Variants in ZNF410 observed in about 807,000 individuals in gnomAD.
ZNF410 encodes the protein another partner for ARF 1.
A neutral mutation model predicts 54.8 loss-of-function variants in ZNF410; 18 were observed. That is an observed-to-expected ratio of 0.33 (90% CI 0.23 to 0.49). ZNF410 has a LOEUF of 0.49. ZNF410 is among the 20% of genes least tolerant of loss of function. The pLI is 0.99. For missense variants in ZNF410, 405 were observed against 569.6 expected (o/e 0.71, Z 2.94); for synonymous variants, 191 against 207.3 (o/e 0.92, Z 0.68).
chr14:73,919,886 G>GTTTTTTTTTTTTT (rs1158550117), intron 8 of ZNF410, among the ~76,000 whole-genome samples: 8 of 62,026 alleles, frequency 1.3e-4, no homozygotes, highest in African/African-American at 3.1e-4. Context: ...TATTGTATAG[G>GTTTTTTTTTTTTT]TTTTTTTTTT....
intron 6 of ZNF410, among the ~76,000 whole-genome samples, chr14:73,904,407 A>G (rs1459302622): frequency 6.6e-6 from 1 of 152,190 alleles, no homozygotes; most frequent in African/African-American, 2.4e-5. Context: ...ATGGGCTCCT[A>G]CCTTGAACCT....
intron 5 of ZNF410, among the ~76,000 whole-genome samples, chr14:73,901,260 C>A (rs1034534820): frequency 6.6e-6 from 1 of 152,174 alleles, no homozygotes; most frequent in Admixed American, 6.5e-5. Context: ...TATGGCAAAG[C>A]TGAGTAGTTG....
At chr14:73,905,146 C>T (rs1473566088) in intron 7 of ZNF410, 63 bp downstream of exon 7, 6 of 1,529,978 alleles carry the variant, frequency 3.9e-6, no homozygotes, top group Non-Finnish European at 5.3e-6. Context: ...TTTGCCTCTC[C>T]TTAGGAAAGA....
intron 3 of ZNF410, chr14:73,894,252 C>T (rs1460311285): frequency 1.6e-5 from 11 of 686,756 alleles, no homozygotes; most frequent in Admixed American, 8.5e-5. Flanking sequence ...GTTGGATGAA[C>T]ATCAGCAGAG....
intron 5 of ZNF410, chr14:73,902,246 T>C (rs2055419978): frequency 6.6e-6 from 1 of 151,806 alleles, no homozygotes. Context: ...TTTTTTTTTT[T>C]GTATTTTTAG....
chr14:73,912,231 G>A lies in ZNF410; in HGVS notation c.1003+2801G>A, dbSNP rs1458868635. 3.4e-5 allele frequency among the ~76,000 whole-genome samples: 5 copies of A among 148,640 alleles called. No homozygotes were observed. The Admixed American group carries it at 3.4e-4, about 10-fold the overall frequency. On this transcript the variant is annotated intron_variant, in intron 8 of 11. Coordinates refer to ENST00000555044, the MANE Select transcript of ZNF410 (RefSeq NM_021188.3). Reference sequence around the variant, plus strand: ...GTTGTCCAGGCGAGAGTGCAGTGGCGTGATCTTGGCTCACTGCAGCCTCCG... The same window carrying A: ...GTTGTCCAGGCGAGAGTGCAGTGGCATGATCTTGGCTCACTGCAGCCTCCG...
At chr14:73,888,821 A>G (rs908036567) in intron 1 of ZNF410, among the ~76,000 whole-genome samples, 2 of 152,192 alleles carry the variant, frequency 1.3e-5, no homozygotes, top group South Asian at 2.1e-4. Flanking sequence ...CTCTAGTACA[A>G]ATTCTTTTGA....
intron 10 of ZNF410, 87 bp downstream of exon 10, chr14:73,922,293 A>G (rs1332510303): frequency 1.5e-6 from 2 of 1,372,758 alleles, no homozygotes; most frequent in Non-Finnish European, 2.0e-6. Flanking sequence ...GTATGTTTAA[A>G]TCTCATTTCT....
At chr14:73,926,127 C>T (rs1398517387) in intron 11 of ZNF410, among the ~76,000 whole-genome samples, 2 of 152,194 alleles carry the variant, frequency 1.3e-5, no homozygotes, top group African/African-American at 4.8e-5. Flanking sequence ...TATTTCAAAG[C>T]AAATTGTAGG....
intron 8 of ZNF410, among the ~76,000 whole-genome samples, chr14:73,910,128 A>G (rs1196960340): frequency 5.9e-5 from 9 of 152,168 alleles, no homozygotes; most frequent in Admixed American, 5.9e-4. Flanking sequence ...TTACTTGGAA[A>G]ACAAGATGGG....
Position 73,893,777 on chromosome 14 carries a change from G to T in ZNF410, c.34-20G>T. The T allele has an allele frequency of 1.3e-6, 2 of 1,589,978 alleles. No homozygotes were observed. The highest frequency in any genetic ancestry group is 1.2e-5 in the South Asian group (1 of 86,388). On this transcript the variant is annotated intron_variant, in intron 2 of 11. Coordinates refer to ENST00000555044, the MANE Select transcript of ZNF410 (RefSeq NM_021188.3). ...TTTCTAACAACTCGTATTTCTCAGT[G>T]TTGTCTTTTCTCCCCCCAGCTCCTG...
At chr14:73,931,265 G>A (rs891547793) in intron 11 of ZNF410, among the ~76,000 whole-genome samples, 1 of 152,150 alleles carries the variant, frequency 6.6e-6, no homozygotes, top group Non-Finnish European at 1.5e-5. Flanking sequence ...TTGGCTTATA[G>A]ACTCAGAATA....
intron 11 of ZNF410, among the ~76,000 whole-genome samples, chr14:73,929,823 AAAG>A (rs906097441): frequency 2.9e-4 from 44 of 152,072 alleles, no homozygotes; most frequent in African/African-American, 6.3e-4. Flanking sequence ...TAAAAAAAAA[AAAG>A]AAGAAAAATT....
chr14:73,918,555 G>C (rs1400052862), intron 8 of ZNF410, among the ~76,000 whole-genome samples: 2 of 151,670 alleles, frequency 1.3e-5, no homozygotes, highest in Admixed American at 6.6e-5. Context: ...CCATATCCAG[G>C]AGATGATTAA....
intron 1 of ZNF410, among the ~76,000 whole-genome samples, chr14:73,891,263 G>A (rs2055226574): frequency 6.6e-6 from 1 of 152,008 alleles, no homozygotes; most frequent in African/African-American, 2.4e-5. Flanking sequence ...ATTATAACTA[G>A]TTTTAATAAT....
At chr14:73,918,714 T>A (rs12897375) in intron 8 of ZNF410, among the ~76,000 whole-genome samples, 5 of 113,284 alleles carry the variant, frequency 4.4e-5, no homozygotes, top group African/African-American at 1.4e-4. Context: ...TTTTTTTTTT[T>A]CCCCTAAACG....
intron 7 of ZNF410, among the ~76,000 whole-genome samples, chr14:73,907,343 A>C (rs903034251): frequency 2.0e-5 from 3 of 152,216 alleles, no homozygotes; most frequent in Non-Finnish European, 2.9e-5. Context: ...CACACCTGTA[A>C]TCCCAGCACT....
chr14:73,893,081 CA>C (rs796356566), intron 2 of ZNF410, among the ~76,000 whole-genome samples: 2 of 149,464 alleles, frequency 1.3e-5, no homozygotes, highest in South Asian at 2.1e-4. Context: ...GACTCTGTCT[CA>C]AAAAAAAATA....
intron 8 of ZNF410, chr14:73,915,775 G>T (rs547017558): frequency 6.6e-6 from 1 of 152,206 alleles, no homozygotes; most frequent in African/African-American, 2.4e-5. Flanking sequence ...ACACCTTCGT[G>T]TGTCTGTTGA....
Sources: gnomAD v4.1 joint callset for allele counts (sites outside exome capture counted in the v4.1 genomes callset) on GRCh38, gnomAD v4.1.1 for gene constraint, MANE v1.5 for transcripts, NCBI Gene and HGNC (gene_info 2026-07-23, HGNC 2026-07-21) for gene names.